Variants in ZFP64 observed in about 807,000 individuals in gnomAD.
ZFP64 encodes zinc finger protein 64.
Under a neutral mutation model 51.6 loss-of-function variants are expected in ZFP64, and 14 were observed. The observed-to-expected ratio is 0.27, with a 90% CI of 0.18 to 0.42. The LOEUF is 0.42. Among genes scored for constraint, ZFP64 ranks in the 10% least tolerant of loss-of-function variants. ZFP64 has a pLI of 1.00. For missense variants in ZFP64, 754 were observed against 906.8 expected, an observed-to-expected ratio of 0.83 and a Z score of 2.16; for synonymous variants, 375 against 361.4, an observed-to-expected ratio of 1.04 and a Z score of -0.43.
chr20:52,104,719 C>T (rs1174888600), intron 5 of ZFP64: 2 of 485,300 alleles, frequency 4.1e-6, no homozygotes, highest in Non-Finnish European at 8.5e-6. Context: ...GTGAGGCCTT[C>T]CCTGGACAAC....
At chr20:52,124,219 A>G (rs1397434009) in intron 5 of ZFP64, among the ~76,000 whole-genome samples, 1 of 150,634 alleles carries the variant, frequency 6.6e-6, no homozygotes, top group Non-Finnish European at 1.5e-5. Flanking sequence ...AAGTCAGACT[A>G]TTGGCCACTA....
chr20:52,165,074 T>C, intron 3 of ZFP64: 1 of 502,842 alleles, frequency 2.0e-6, no homozygotes, highest in South Asian at 1.5e-5. Flanking sequence ...TTAACTGTTC[T>C]TGATTAGAGG....
chr20:52,102,299 T>TG (rs2079061589), intron 5 of ZFP64, among the ~76,000 whole-genome samples: 1 of 151,994 alleles, frequency 6.6e-6, no homozygotes, highest in Non-Finnish European at 1.5e-5. Context: ...AAAACACAGG[T>TG]GGCAGGGGCT....
chr20:52,113,669 A>C (rs1461332535), intron 5 of ZFP64, among the ~76,000 whole-genome samples: 2 of 149,076 alleles, frequency 1.3e-5, no homozygotes, highest in Non-Finnish European at 3.0e-5. Flanking sequence ...GAACTCCTGA[A>C]CTCAGATGAT....
At chr20:52,168,434 C>A (rs1982460525) in intron 2 of ZFP64, among the ~76,000 whole-genome samples, 1 of 152,224 alleles carries the variant, frequency 6.6e-6, no homozygotes, top group African/African-American at 2.4e-5. Context: ...CAGACAGCAG[C>A]ATTGGAGCTG....
intron 5 of ZFP64, among the ~76,000 whole-genome samples, chr20:52,145,516 T>C (rs908316822): frequency 6.6e-6 from 1 of 152,070 alleles, no homozygotes; most frequent in Non-Finnish European, 1.5e-5. Context: ...TACATGCCTG[T>C]GGTCCCAGCT....
rs2123132153 is a variant in ZFP64, at chr20:52,186,825, G to C, written c.286+7C>G. 6.3e-7 allele frequency: 1 copy of C among 1,599,718 alleles called. No individual in the cohort carries two copies. The highest frequency in any genetic ancestry group is 8.6e-7 in the Non-Finnish European group (1 of 1,168,300). ...TTCTGGCCGACTCCCCCATGCTCCAGCTGTACCTGTGATTGTCTGGGTCTC... is the reference window on the plus strand; with the variant it reads ...TTCTGGCCGACTCCCCCATGCTCCACCTGTACCTGTGATTGTCTGGGTCTC... On this transcript the variant is annotated splice_region_variant and intron_variant, in intron 2 of 5. Coordinates refer to ENST00000216923, the MANE Select transcript of ZFP64 (RefSeq NM_018197.3).
intron 5 of ZFP64, among the ~76,000 whole-genome samples, chr20:52,133,601 A>T (rs1979828791): frequency 1.3e-5 from 2 of 152,208 alleles, no homozygotes; most frequent in Admixed American, 1.3e-4. Flanking sequence ...AAAAAGTAAT[A>T]TCATTTACAA....
chr20:52,113,478 G>A (rs1978705183), intron 5 of ZFP64, among the ~76,000 whole-genome samples: 4 of 142,062 alleles, frequency 2.8e-5, no homozygotes, highest in South Asian at 2.3e-4. Context: ...CCCTGGCTAG[G>A]GTGCAGTGGC....
chr20:52,152,673 G>C lies in ZFP64; in HGVS notation c.1519C>G (p.Gln507Glu). Residue 507 changes from glutamine (Q) to glutamate (E), a missense_variant, in exon 6 of 6, where the codon CAG (glutamine) becomes GAG (glutamate). Physicochemically the swap from Gln to Glu is conservative, Grantham distance 29. Around this residue, in one of 3 missense-constraint regions of ZFP64, gnomAD observed 428 missense variants for 472.4 expected, o/e 0.91. Transcript: ENST00000216923. ...VKIIVGHQVP[Q>E]ANTIVQAAAA... The stretch of plus-strand genomic sequence containing the variant: ...GCAGCCTGGACGATGGTGTTCGCCT[G>C]GGGCACCTGATGCCCAACGATGATT... 6.5e-7 allele frequency: 1 copy of C among 1,542,402 alleles called. No individual in the cohort carries two copies. Among genetic ancestry groups the C allele is most frequent in the Non-Finnish European group, 8.7e-7 (1 of 1,146,270 alleles).
At chr20:52,190,549 C>G (rs1029005195) in intron 1 of ZFP64, among the ~76,000 whole-genome samples, 1 of 152,086 alleles carries the variant, frequency 6.6e-6, no homozygotes, top group African/African-American at 2.4e-5. Context: ...GTCCCCCCTC[C>G]CCGCCAGTCC....
chr20:52,126,895 C>A (rs938123642), intron 5 of ZFP64, among the ~76,000 whole-genome samples: 22 of 148,510 alleles, frequency 1.5e-4, no homozygotes, highest in African/African-American at 5.5e-4. Flanking sequence ...GGTAGGTTTT[C>A]CGTCAGTGGA....
Position 52,164,811 on chromosome 20 carries a change from A to G in ZFP64, c.449-54T>C, listed in dbSNP as rs148486727. On this transcript the variant is annotated intron_variant, in intron 3 of 5. Transcript: ENST00000216923. ...AAAGGAAAACTTAGTAACTTTTAGC[A>G]TGGAGAAAACTGGTAGAAACATCCT... 332 of 1,497,306 alleles carry G rather than the reference A, an allele frequency of 2.2e-4. 1 individual carries two copies. The African/African-American group carries it at 3.7e-3, about 17-fold the overall frequency. 92.8% of individuals were successfully genotyped at this position (1,497,306 alleles called of 1,614,324 possible).
chr20:52,131,816 G>A (rs183165596), intron 5 of ZFP64, among the ~76,000 whole-genome samples: 21 of 152,114 alleles, frequency 1.4e-4, no homozygotes, highest in Non-Finnish European at 2.6e-4. Context: ...AGATCTTCCC[G>A]ACAGAAAATC....
chr20:52,168,428 C>T (rs973514648), intron 2 of ZFP64, among the ~76,000 whole-genome samples: 1 of 152,208 alleles, frequency 6.6e-6, no homozygotes, highest in African/African-American at 2.4e-5. Context: ...GGTCCCCAGA[C>T]AGCAGCATTG....
At chr20:52,112,806 G>T (rs747119984) in intron 5 of ZFP64, among the ~76,000 whole-genome samples, 1 of 151,846 alleles carries the variant, frequency 6.6e-6, no homozygotes, top group South Asian at 2.1e-4. Flanking sequence ...TTGTAGAGAA[G>T]ATGTTTCACC....
intron 5 of ZFP64, among the ~76,000 whole-genome samples, chr20:52,129,080 AT>A (rs529069931): frequency 0.25 from 33,619 of 132,536 alleles, 4,272 homozygotes; most frequent in African/African-American, 0.3. Flanking sequence ...CTCCTGGCTA[AT>A]TTTTTTTTTT....
exon 9 of ZFP64, chr20:52,084,952 T>C: frequency 6.2e-7 from 1 of 1,613,928 alleles, no homozygotes. Context: ...CAGTGGACTC[T>C]GCTGTGCACG....
chr20:52,134,028 CAAAAAAAAAAAA>C (rs59218544), intron 5 of ZFP64, among the ~76,000 whole-genome samples: 2 of 97,512 alleles, frequency 2.1e-5, no homozygotes, highest in African/African-American at 9.1e-5. Flanking sequence ...GATCCTGTCT[CAAAAAAAAAAAA>C]AAAAAAAAAA....
Sources: allele counts gnomAD v4.1 joint callset (sites outside exome capture counted in the v4.1 genomes callset), GRCh38; gene constraint gnomAD v4.1.1; regional missense constraint gnomAD v4.1.1; transcripts MANE v1.5; gene names NCBI Gene and HGNC (gene_info 2026-07-23, HGNC 2026-07-21).